SSH1: variants seen among roughly 807,000 people sequenced by gnomAD.
SSH1 encodes slingshot protein phosphatase 1.
Under a neutral mutation model 79.7 loss-of-function variants are expected in SSH1, and 43 were observed. The observed-to-expected ratio is 0.54, with a 90% confidence interval of 0.42 to 0.70. The LOEUF (loss-of-function observed/expected upper bound fraction) is 0.70, where lower values mean the gene tolerates loss of function less well. Among genes scored for constraint, SSH1 ranks in the 30% least tolerant of loss-of-function variants. The pLI, the probability that SSH1 is intolerant of heterozygous loss-of-function variation, is 0.00. For synonymous variants in SSH1, 599 were observed against 538.3 expected (o/e 1.11, Z -1.56); for missense variants, 1,206 against 1,358.8 (o/e 0.89, Z 1.77).
chr12:108,839,303 T>A (rs551210261), intron 2 of SSH1, among the ~76,000 whole-genome samples: 4 of 152,214 alleles, frequency 2.6e-5, no homozygotes, highest in Non-Finnish European at 5.9e-5. Context: ...TTAGGGAGCC[T>A]TCTTGCTGTA....
intron 2 of SSH1, among the ~76,000 whole-genome samples, chr12:108,844,280 A>G (rs374992821): frequency 7.0e-4 from 107 of 152,140 alleles, no homozygotes; most frequent in African/African-American, 2.5e-3. Flanking sequence ...AAAAAAAAAA[A>G]TAAGAATCAA....
At chr12:108,804,945 C>T in intron 10 of SSH1, 111 bp downstream of exon 10, 1 of 1,377,232 alleles carries the variant, frequency 7.3e-7, no homozygotes, top group Non-Finnish European at 1.0e-6. Flanking sequence ...GAGGCTCTGG[C>T]AACTCAAGTT....
Position 108,788,156 on chromosome 12 carries a change from A to G in SSH1, c.2982T>C (p.Ser994=), listed in dbSNP as rs61739302. 4.3e-6 allele frequency: 7 copies of G among 1,613,808 alleles called. No individual in the cohort carries two copies. The highest frequency in any genetic ancestry group is 5.1e-6 in the Non-Finnish European group (6 of 1,180,006). The change falls in exon 15 of 15, where the codon AGT becomes AGC. Residue 994 remains serine, a synonymous_variant. Coordinates refer to ENST00000326495, the MANE Select transcript of SSH1 (RefSeq NM_018984.4). The part of the protein sequence containing the change: ...SLTFSTEDLS[S]EADPSTVADS... ...CAGCGACGGTGGACGGGTCAGCCTC[A>G]CTGGACAGGTCTTCCGTTGAGAAGG... is the stretch of plus-strand genomic sequence containing the variant.
At chr12:108,828,455 C>T (rs907275604) in intron 2 of SSH1, among the ~76,000 whole-genome samples, 1 of 152,232 alleles carries the variant, frequency 6.6e-6, no homozygotes, top group Non-Finnish European at 1.5e-5. Flanking sequence ...CATTATGCTG[C>T]GGTCACATCC....
In SSH1 at chr12:108,817,105, A is replaced by AC. The variant is rs745527838; in HGVS notation, c.333dup (p.Tyr112ValfsTer21). On this transcript the variant is annotated frameshift_variant, in exon 5 of 15. Transcript: ENST00000326495. LOFTEE classifies it high-confidence loss of function. ...TCGGTGTCCTGGCGCCCGCTGCTGT[A>AC]CACCACCACCATGTACCGGACCCGG... 1 of 1,614,162 alleles carries AC rather than the reference A, an allele frequency of 6.2e-7. No homozygotes were observed. The highest frequency in any genetic ancestry group is 1.1e-5 in the South Asian group (1 of 91,086).
In SSH1 at chr12:108,782,098, A is replaced by G. The variant is rs1469056887; in HGVS notation, c.*5890T>C. 1.3e-5 allele frequency: 2 copies of G among 148,478 alleles called. No individual in the cohort carries two copies. The highest frequency in any genetic ancestry group is 3.0e-5 in the Non-Finnish European group (2 of 67,384). The allele number at this position is 148,478 out of a possible 1,614,324, so 9.2% of individuals were successfully genotyped here. ...CAGTGAGCTATGATGGCACCACTGA[A>G]CTCCAGCCTGAGCAAGAGAGCCAGA... On this transcript the variant is annotated 3_prime_UTR_variant, in exon 15 of 15. Transcript: ENST00000326495.
At chr12:108,801,977 G>A (rs2037030231) in intron 11 of SSH1, among the ~76,000 whole-genome samples, 1 of 152,166 alleles carries the variant, frequency 6.6e-6, no homozygotes, top group Admixed American at 6.5e-5. Flanking sequence ...CCACACTAGG[G>A]TTTGCAGCAA....
intron 2 of SSH1, among the ~76,000 whole-genome samples, chr12:108,847,071 A>G (rs2038914073): frequency 6.6e-6 from 1 of 151,142 alleles, no homozygotes; most frequent in Non-Finnish European, 1.5e-5. Context: ...TAATTTTTCT[A>G]TTTTTTTTGC....
chr12:108,799,210 TGGGAGCAGTTG>T lies in SSH1; in HGVS notation c.1149-21_1149-11del. 2 of 1,605,710 alleles carry T rather than the reference TGGGAGCAGTTG, an allele frequency of 1.2e-6. No individual in the cohort carries two copies. The highest frequency in any genetic ancestry group is 2.2e-5 in the South Asian group (2 of 90,320). ...CTTGGAATGGTTCCTCCTGCAGGGG[TGGGAGCAGTTG>T]GGGAGGAGAGATGGGGGAGAAGCAG... On this transcript the variant is annotated splice_polypyrimidine_tract_variant and intron_variant, in intron 12 of 14. Transcript: ENST00000326495.
rs140166263 is a variant in SSH1, at chr12:108,788,588, C to T, written c.2550G>A (p.Arg850=). 147 of 1,603,960 alleles carry T rather than the reference C, an allele frequency of 9.2e-5. 1 individual carries two copies. The African/African-American group carries it at 1.8e-3, about 20-fold the overall frequency. ...TCTCCTCGGGGATGCTGGCCTCCAG[C>T]CTGCTGGCAGGGCCATCCCTGGAGG... The part of the protein sequence containing the change: ...APPSRDGPAS[R]LEASIPEESQ... Residue 850 remains arginine (R), a synonymous_variant, in exon 15 of 15, where the codon AGG becomes AGA. Coordinates refer to ENST00000326495, the MANE Select transcript of SSH1 (RefSeq NM_018984.4).
At chr12:108,847,178 CG>C in intron 2 of SSH1, among the ~76,000 whole-genome samples, 1 of 152,304 alleles carries the variant, frequency 6.6e-6, no homozygotes, top group East Asian at 1.9e-4. Context: ...GGATTACAGG[CG>C]TGAGCCACTG....
In SSH1 at chr12:108,852,937, A is replaced by G. The variant is rs1191048963; in HGVS notation, c.70-259T>C. The G allele has an allele frequency of 5.1e-6, 5 of 985,252 alleles. No homozygotes were observed. The African/African-American group carries it at 5.2e-5, about 10-fold the overall frequency. The allele number at this position is 985,252 out of a possible 1,614,324, so 61.0% of individuals were successfully genotyped here. A position where few individuals can be genotyped will look rare whatever the true frequency, so the allele number is the denominator to read the frequency against. On this transcript the variant is annotated intron_variant, in intron 1 of 14. Coordinates refer to ENST00000326495, the MANE Select transcript of SSH1 (RefSeq NM_018984.4). ...GGGGATGGAGTCCTGTTAGCTCAAC[A>G]TTTCCTATCTGGTGTTGTTACCCAG... is the stretch of plus-strand genomic sequence containing the variant.
Position 108,852,903 on chromosome 12 carries a change from C to T in SSH1, c.70-225G>A, listed in dbSNP as rs1183295441. 11 of 985,302 alleles carry T rather than the reference C, an allele frequency of 1.1e-5. No homozygotes were observed. The East Asian group carries it at 5.7e-4, about 51-fold the overall frequency. The allele number at this position is 985,302 out of a possible 1,614,324, so 61.0% of individuals were successfully genotyped here. A position where few individuals can be genotyped will look rare whatever the true frequency, so the allele number is the denominator to read the frequency against. On this transcript the variant is annotated intron_variant, in intron 1 of 14. Coordinates refer to ENST00000326495, the MANE Select transcript of SSH1 (RefSeq NM_018984.4). ...TCCAAATGTTGACCCACATTCCTGCCGCAGTCCAGGGGATGGAGTCCTGTT... is the reference window on the plus strand; with the variant it reads ...TCCAAATGTTGACCCACATTCCTGCTGCAGTCCAGGGGATGGAGTCCTGTT...
intron 6 of SSH1, among the ~76,000 whole-genome samples, chr12:108,810,561 TAAA>T (rs1375590027): frequency 6.6e-6 from 1 of 152,098 alleles, no homozygotes; most frequent in Non-Finnish European, 1.5e-5. Flanking sequence ...ATATTAAAAT[TAAA>T]AAGGAAAAAT....
chr12:108,790,818 T>C (rs1448238244), intron 14 of SSH1, among the ~76,000 whole-genome samples: 2 of 152,176 alleles, frequency 1.3e-5, no homozygotes, highest in Non-Finnish European at 2.9e-5. Flanking sequence ...TCCTGTGAGA[T>C]GGGCAGGTGA....
chr12:108,845,470 C>T (rs1382719618), intron 2 of SSH1, among the ~76,000 whole-genome samples: 1 of 152,112 alleles, frequency 6.6e-6, no homozygotes, highest in Non-Finnish European at 1.5e-5. Context: ...GGCAGATCAC[C>T]TGAGTTCAGG....
At chr12:108,824,091 T>C (rs1029624188) in intron 2 of SSH1, among the ~76,000 whole-genome samples, 8 of 152,276 alleles carry the variant, frequency 5.3e-5, no homozygotes, top group Non-Finnish European at 1.2e-4. Context: ...CATTGTTTCT[T>C]GGTGACTTCC....
intron 2 of SSH1, chr12:108,836,806 A>T: frequency 2.3e-6 from 1 of 441,574 alleles, no homozygotes; most frequent in South Asian, 1.7e-5. Flanking sequence ...ACCTTATGGG[A>T]TTCAACGAGG....
At chr12:108,818,338 TA>T (rs1261236617) in intron 3 of SSH1, 25 bp from the exon 4 acceptor site, 1 of 1,609,736 alleles carries the variant, frequency 6.2e-7, no homozygotes, top group South Asian at 1.1e-5. Context: ...AAGAAAGCTT[TA>T]AAAGGTCTCT....
Sources: allele counts gnomAD v4.1 joint callset (sites outside exome capture counted in the v4.1 genomes callset), GRCh38; gene constraint gnomAD v4.1.1; transcripts MANE v1.5; gene names NCBI Gene and HGNC (gene_info 2026-07-23, HGNC 2026-07-21).